Variants in SLU7 observed in about 807,000 individuals in gnomAD.
SLU7 encodes the protein spliceosome associated SLU7.
SLU7 carries 60 observed loss-of-function variants against 87.0 expected under a neutral mutation model. The ratio of observed to expected loss-of-function variants is 0.69; its 90% CI spans 0.56 to 0.86. The LOEUF (loss-of-function observed/expected upper bound fraction) is 0.86. Among genes scored for constraint, SLU7 ranks in the 40% least tolerant of loss-of-function variants. The probability of loss-of-function intolerance (pLI) is 0.00; values close to 1 mark genes in which losing one functional copy is unlikely to be tolerated. For missense variants in SLU7, 507 were observed against 686.6 expected (o/e 0.74, Z 2.92); for synonymous variants, 197 against 222.0 (o/e 0.89, Z 1.00).
intron 1 of SLU7, chr5:160,417,027 T>C (rs897257599): frequency 7.9e-5 from 12 of 152,206 alleles, no homozygotes; most frequent in African/African-American, 2.9e-4. Context: ...TCATTCTCTA[T>C]TGTTGCCGCC....
chr5:160,410,688 A>G (rs1765194646), intron 6 of SLU7, among the ~76,000 whole-genome samples: 1 of 152,240 alleles, frequency 6.6e-6, no homozygotes, highest in Admixed American at 6.5e-5. Context: ...AGAATACATT[A>G]GAACAAAAGA....
chr5:160,413,985 A>AAG lies in SLU7; in HGVS notation c.325-7_325-6insCT, dbSNP rs762356376. ...TACTTAGTAATTATGGAATTCTATA[A>AAG]ATATATATAAAGAAAAACAAAAATG... On this transcript the variant is annotated splice_polypyrimidine_tract_variant and splice_region_variant and intron_variant, in intron 3 of 15. Coordinates refer to ENST00000297151, the MANE Select transcript of SLU7 (RefSeq NM_006425.5). 2 of 1,517,464 alleles carry AAG rather than the reference A, an allele frequency of 1.3e-6. No homozygotes were observed. Among genetic ancestry groups the AAG allele is most frequent in the Non-Finnish European group, 8.9e-7 (1 of 1,121,696 alleles). 94.0% of individuals were successfully genotyped at this position (1,517,464 alleles called of 1,614,324 possible).
rs934224505 is a variant in SLU7, at chr5:160,402,713, T to C, written c.*572A>G. On this transcript the variant is annotated 3_prime_UTR_variant, in exon 16 of 16. Coordinates refer to ENST00000297151, the MANE Select transcript of SLU7 (RefSeq NM_006425.5). ...GGTAGAGAGCCAAGGCTTTTTTACA[T>C]GACTCACATAAAACTGGAAATAGGC... 6.6e-6 allele frequency: 1 copy of C among 152,184 alleles called. No individual in the cohort carries two copies. The highest frequency in any genetic ancestry group is 1.5e-5 in the Non-Finnish European group (1 of 68,040). The allele number at this position is 152,184 out of a possible 1,614,324, so 9.4% of individuals were successfully genotyped here.
intron 7 of SLU7, 54 bp from the exon 8 acceptor site, chr5:160,408,514 C>T: frequency 6.5e-7 from 1 of 1,549,356 alleles, no homozygotes; most frequent in South Asian, 1.2e-5. Flanking sequence ...GCATGTAGTT[C>T]TTTTTTTTCC....
chr5:160,403,055 T>C lies in SLU7; in HGVS notation c.*230A>G, dbSNP rs975179182. On this transcript the variant is annotated 3_prime_UTR_variant, in exon 16 of 16. Transcript: ENST00000297151. The stretch of plus-strand genomic sequence containing the variant: ...TAAATAAAAAAAACTGGAAATAAAA[T>C]CTTAATCCAATTTTAAATTCTATTC... 4.1e-5 allele frequency: 14 copies of C among 340,530 alleles called. No individual in the cohort carries two copies. Among genetic ancestry groups the C allele is most frequent in the Non-Finnish European group, 6.3e-5 (12 of 191,430 alleles). The allele number at this position is 340,530 out of a possible 1,614,324, so 21.1% of individuals were successfully genotyped here.
chr5:160,410,064 C>T (rs186510487), intron 6 of SLU7, among the ~76,000 whole-genome samples: 5 of 152,016 alleles, frequency 3.3e-5, no homozygotes, highest in Non-Finnish European at 7.4e-5. Context: ...TCCCACTGTA[C>T]TCTATGTTGT....
chr5:160,411,683 T>G (rs1182179134), intron 6 of SLU7, among the ~76,000 whole-genome samples: 2 of 152,180 alleles, frequency 1.3e-5, no homozygotes, highest in African/African-American at 4.8e-5. Flanking sequence ...ACTAAAAAAC[T>G]ATAAATGTTT....
In SLU7 at chr5:160,403,382, A is replaced by C. The variant is rs770816736; in HGVS notation, c.1664T>G (p.Met555Arg). 6.2e-7 allele frequency: 1 copy of C among 1,613,444 alleles called. No individual in the cohort carries two copies. Among genetic ancestry groups the C allele is most frequent in the South Asian group, 1.1e-5 (1 of 90,890 alleles). ...IDERKRPYNS[M>R]YETREPTEEE... ...TTCAGTAGGTTCTCGAGTTTCATACATGCTATTGTAAGGCCGCTTCCTCTC... is the reference window on the plus strand; with the variant it reads ...TTCAGTAGGTTCTCGAGTTTCATACCTGCTATTGTAAGGCCGCTTCCTCTC... The change falls in exon 16 of 16, where the codon ATG becomes AGG. Residue 555 changes from methionine to arginine, a missense_variant. Coordinates refer to ENST00000297151, the MANE Select transcript of SLU7 (RefSeq NM_006425.5).
intron 7 of SLU7, 41 bp downstream of exon 7, chr5:160,408,608 TA>T (rs1334154002): frequency 1.4e-6 from 2 of 1,447,062 alleles, no homozygotes; most frequent in Middle Eastern, 1.8e-4. Context: ...ATCAGAAATT[TA>T]AAAATTTAAC....
intron 11 of SLU7, 35 bp from the exon 12 acceptor site, chr5:160,406,664 A>G: frequency 6.9e-7 from 1 of 1,458,186 alleles, no homozygotes; most frequent in Non-Finnish European, 9.3e-7. Flanking sequence ...AATACATTTT[A>G]CAACCTGATT....
intron 1 of SLU7, among the ~76,000 whole-genome samples, 196 bp from the exon 2 acceptor site, chr5:160,415,506 C>G (rs1242861084): frequency 6.6e-6 from 1 of 152,190 alleles, no homozygotes; most frequent in Non-Finnish European, 1.5e-5. Flanking sequence ...CTCCAATTTA[C>G]AAATGGAGAG....
At chr5:160,416,070 T>C (rs550346771) in intron 1 of SLU7, among the ~76,000 whole-genome samples, 76 of 152,194 alleles carry the variant, frequency 5.0e-4, no homozygotes, top group African/African-American at 1.7e-3. Flanking sequence ...TTTTTCGTAT[T>C]TTTTGTAGTG....
intron 1 of SLU7, among the ~76,000 whole-genome samples, chr5:160,417,456 C>G (rs1357654004): frequency 1.3e-5 from 2 of 152,136 alleles, no homozygotes; most frequent in Non-Finnish European, 2.9e-5. Context: ...AATCACATTT[C>G]CAGTCTCAAT....
At position 160,406,607 on chromosome 5, in the gene SLU7, T is replaced by A. The variant is rs767748564; in HGVS notation, c.1148A>T (p.Asp383Val). The A allele has an allele frequency of 1.9e-6, 3 of 1,610,212 alleles. No homozygotes were observed. The highest frequency in any genetic ancestry group is 3.4e-5 in the Admixed American group (2 of 59,172). The change falls in exon 12 of 16, where the codon GAT becomes GTT. Residue 383 changes from aspartate to valine, a missense_variant. Transcript: ENST00000297151. Reference sequence around the variant, plus strand: ...TAAAAGCAATTCAGCTGGAGGGGCATCCAAATGTTCTTGGCCACCATACTA... The same window carrying A: ...TAAAAGCAATTCAGCTGGAGGGGCAACCAAATGTTCTTGGCCACCATACTA... Reference protein sequence around the residue: ...LEKYGGQEHLDAPPAELLLAQ... With the variant: ...LEKYGGQEHLVAPPAELLLAQ...
Position 160,407,700 on chromosome 5 carries a change from T to C in SLU7, c.985+46A>G. 1 of 1,601,520 alleles carries C rather than the reference T, an allele frequency of 6.2e-7. No homozygotes were observed. The stretch of plus-strand genomic sequence containing the variant: ...AACAAGCTTTAAACAATCCCAAACG[T>C]CTTATGAGCTGATATAAAATGGCTT... On this transcript the variant is annotated intron_variant, in intron 10 of 15. Coordinates refer to ENST00000297151, the MANE Select transcript of SLU7 (RefSeq NM_006425.5). This position sits in a 1 kb window ranked among gnomAD's most constrained non-coding sequence, Gnocchi z 4.2.
Position 160,407,347 on chromosome 5 carries a change from A to C in SLU7, c.1125+129T>G. 1 of 769,978 alleles carries C rather than the reference A, an allele frequency of 1.3e-6. No homozygotes were observed. The highest frequency in any genetic ancestry group is 3.1e-5 in the Admixed American group (1 of 31,976). 47.7% of individuals were successfully genotyped at this position (769,978 alleles called of 1,614,324 possible). A position where few individuals can be genotyped will look rare whatever the true frequency, so the allele number is the denominator to read the frequency against. Reference sequence around the variant, plus strand: ...ATTACCATCTGACTAAGAGAAAGGAAGAAAAGGACTATTCTTCATGGATTA... The same window carrying C: ...ATTACCATCTGACTAAGAGAAAGGACGAAAAGGACTATTCTTCATGGATTA... On this transcript the variant is annotated intron_variant, in intron 11 of 15. Transcript: ENST00000297151. The surrounding 1 kb of genome is among the most constrained non-coding windows in gnomAD (Gnocchi z 4.2).
In SLU7 at chr5:160,408,125, C is replaced by G. The variant is rs537038937; in HGVS notation, c.820-57G>C. The G allele has an allele frequency of 1.1e-5, 15 of 1,318,886 alleles. No homozygotes were observed. The East Asian group carries it at 1.8e-4, about 16-fold the overall frequency. The allele number at this position is 1,318,886 out of a possible 1,614,324, so 81.7% of individuals were successfully genotyped here. ...TTTACTCACAGCAAAAAGATTTCAG[C>G]AGACTAGTTGGAGGAGTTGAACATG... On this transcript the variant is annotated intron_variant, in intron 8 of 15. Coordinates refer to ENST00000297151, the MANE Select transcript of SLU7 (RefSeq NM_006425.5).
intron 1 of SLU7, among the ~76,000 whole-genome samples, chr5:160,416,084 G>T (rs1187157755): frequency 6.6e-6 from 1 of 152,084 alleles, no homozygotes; most frequent in Non-Finnish European, 1.5e-5. Context: ...TGTAGTGACA[G>T]GATTTCACCA....
chr5:160,404,973 G>T, intron 13 of SLU7, 58 bp downstream of exon 13: 1 of 1,528,418 alleles, frequency 6.5e-7, no homozygotes, highest in Non-Finnish European at 9.1e-7. Flanking sequence ...GCATGTTTTA[G>T]TTTGACTTAG....
Sources: gnomAD v4.1 joint callset for allele counts (sites outside exome capture counted in the v4.1 genomes callset) on GRCh38, gnomAD v4.1.1 for gene constraint, Gnocchi (gnomAD v3.1) non-coding constraint, MANE v1.5 for transcripts, NCBI Gene and HGNC (gene_info 2026-07-23, HGNC 2026-07-21) for gene names.